The following TASOR variants were observed in gnomAD, a reference collection of about 807,000 sequenced individuals.
TASOR encodes transcription activation suppressor, also known as protein TASOR.
A neutral mutation model predicts 178.6 loss-of-function variants in TASOR; 53 were observed. The ratio of observed to expected loss-of-function variants is 0.30; its 90% confidence interval spans 0.24 to 0.37. The LOEUF (loss-of-function observed/expected upper bound fraction) is 0.37. TASOR is among the 10% of genes least tolerant of loss of function. The pLI, the probability that TASOR is intolerant of heterozygous loss-of-function variation, is 1.00. For missense variants in TASOR, 1,815 were observed against 1,971.4 expected (o/e 0.92, Z 1.50); for synonymous variants, 713 against 696.2 (o/e 1.02, Z -0.38).
chr3:56,647,369 T>C lies in TASOR; in HGVS notation c.1514-146A>G, dbSNP rs1385463270. The C allele has an allele frequency of 9.3e-6, 5 of 537,174 alleles. No individual in the cohort carries two copies. In the East Asian group the frequency reaches 9.5e-5, roughly 10 times the overall value. The allele number at this position is 537,174 out of a possible 1,614,324, so 33.3% of individuals were successfully genotyped here. A position where few individuals can be genotyped will look rare whatever the true frequency, so the allele number is the denominator to read the frequency against. On this transcript the variant is annotated intron_variant, in intron 13 of 23. Coordinates refer to ENST00000683822, the MANE Select transcript of TASOR (RefSeq NM_001365635.2). ...ACGAGTATGTACCCTAGTACATATA[T>C]ACAATATAGCAAATATATGAATAGC... is the stretch of plus-strand genomic sequence containing the variant.
chr3:56,655,391 T>A (rs1373795919), intron 11 of TASOR, among the ~76,000 whole-genome samples: 2 of 152,134 alleles, frequency 1.3e-5, no homozygotes, highest in Non-Finnish European at 2.9e-5. Flanking sequence ...AAACCCTATG[T>A]TTTTTCTTAT....
chr3:56,673,732 T>C lies in TASOR; in HGVS notation c.332-7A>G. On this transcript the variant is annotated splice_polypyrimidine_tract_variant and splice_region_variant and intron_variant, in intron 1 of 23. Coordinates refer to ENST00000683822, the MANE Select transcript of TASOR (RefSeq NM_001365635.2). The stretch of plus-strand genomic sequence containing the variant: ...GTTAATGGCTGGAAAAGTGCTAAAA[T>C]AAAAAAACAAACATTTAAAATGTTT... 1 of 1,537,212 alleles carries C rather than the reference T, an allele frequency of 6.5e-7. No individual in the cohort carries two copies. The highest frequency in any genetic ancestry group is 8.8e-7 in the Non-Finnish European group (1 of 1,142,614).
At chr3:56,664,563 C>A (rs977003080) in intron 7 of TASOR, among the ~76,000 whole-genome samples, 4 of 152,156 alleles carry the variant, frequency 2.6e-5, no homozygotes, top group Admixed American at 6.5e-5. Flanking sequence ...ATAATTTGAT[C>A]TGGAAAACTG....
At chr3:56,671,741 T>A (rs766958925) in intron 2 of TASOR, 49 bp from the exon 3 acceptor site, 75 of 1,377,904 alleles carry the variant, frequency 5.4e-5, no homozygotes, top group Admixed American at 1.4e-4. Flanking sequence ...GATTATGTTT[T>A]TCAAGCTACA....
At chr3:56,661,806 T>A (rs1417640605) in intron 9 of TASOR, among the ~76,000 whole-genome samples, 1 of 152,094 alleles carries the variant, frequency 6.6e-6, no homozygotes, top group East Asian at 1.9e-4. Context: ...AACTAAAAAA[T>A]TATATTTCAG....
chr3:56,663,303 A>C (rs1385958995), intron 8 of TASOR, among the ~76,000 whole-genome samples: 1 of 152,222 alleles, frequency 6.6e-6, no homozygotes, highest in Admixed American at 6.5e-5. Context: ...TGAGTTATGA[A>C]ACCTGTTTTA....
At chr3:56,669,494 G>A (rs566670216) in intron 5 of TASOR, among the ~76,000 whole-genome samples, 17 of 152,154 alleles carry the variant, frequency 1.1e-4, no homozygotes, top group South Asian at 4.1e-4. Flanking sequence ...GCAACAGAGC[G>A]AGACTCCATC....
intron 18 of TASOR, among the ~76,000 whole-genome samples, chr3:56,630,900 T>TA (rs1435796210): frequency 4.6e-5 from 5 of 108,512 alleles, no homozygotes; most frequent in East Asian, 3.3e-4. Context: ...CAAATCCTTT[T>TA]AAAAAAAGGA....
At chr3:56,627,828 C>G in intron 19 of TASOR, 87 bp from the exon 20 acceptor site, 1 of 1,198,260 alleles carries the variant, frequency 8.3e-7, no homozygotes, top group Non-Finnish European at 1.2e-6. Context: ...AGAAGTCTAA[C>G]AGAATGCATT....
intron 19 of TASOR, 101 bp downstream of exon 19, chr3:56,628,391 C>G (rs965981970): frequency 8.8e-7 from 1 of 1,136,728 alleles, no homozygotes; most frequent in African/African-American, 1.6e-5. Flanking sequence ...AGTTTAATCT[C>G]CTTTAAAGCT....
chr3:56,622,903 T>G lies in TASOR; in HGVS notation c.*134A>C. On this transcript the variant is annotated 3_prime_UTR_variant, in exon 24 of 24. Transcript: ENST00000683822. ...TATTTCAATTTTTAGATGCTTCAAC[T>G]GTTACAGGCCATCATGATTTAAATA... 4.1e-6 allele frequency: 2 copies of G among 493,308 alleles called. No homozygotes were observed. 30.6% of individuals were successfully genotyped at this position (493,308 alleles called of 1,614,324 possible).
rs998142282 is a variant in TASOR, at chr3:56,659,433, T to C, written c.1368+1298A>G. On this transcript the variant is annotated intron_variant, in intron 11 of 23. Coordinates refer to ENST00000683822, the MANE Select transcript of TASOR (RefSeq NM_001365635.2). ...CCACATATACTGGCATCACATTCAT[T>C]TTCCATTCACTTCTCAACCCACCAC... Among the ~76,000 whole-genome samples the C allele has an allele frequency of 9.2e-5, 14 of 152,312 alleles. No individual in the cohort carries two copies. In the East Asian group the frequency reaches 2.7e-3, roughly 29 times the overall value.
At chr3:56,642,636 A>T (rs1217936107) in intron 14 of TASOR, among the ~76,000 whole-genome samples, 1 of 152,216 alleles carries the variant, frequency 6.6e-6, no homozygotes, top group Non-Finnish European at 1.5e-5. Context: ...GCAGATCAGT[A>T]GTGGAGTGGG....
intron 1 of TASOR, among the ~76,000 whole-genome samples, chr3:56,676,349 GAAACAC>G: frequency 6.6e-6 from 1 of 152,096 alleles, no homozygotes; most frequent in Non-Finnish European, 1.5e-5. Context: ...AGTAATATAC[GAAACAC>G]AAATGAAAGC....
intron 1 of TASOR, among the ~76,000 whole-genome samples, chr3:56,678,648 C>CA (rs1312566526): frequency 6.6e-6 from 1 of 151,988 alleles, no homozygotes; most frequent in African/African-American, 2.4e-5. Context: ...ACATGTATCA[C>CA]AAAAAATATT....
At chr3:56,658,204 T>G (rs541842841) in intron 11 of TASOR, among the ~76,000 whole-genome samples, 8 of 152,362 alleles carry the variant, frequency 5.3e-5, no homozygotes, top group Admixed American at 2.6e-4. Flanking sequence ...CATTAGATTC[T>G]GGGAGTGTAT....
Position 56,623,296 on chromosome 3 carries a change from T to C in TASOR, c.4754A>G (p.Asn1585Ser), listed in dbSNP as rs765797018. 23 of 1,613,500 alleles carry C rather than the reference T, an allele frequency of 1.4e-5. No individual in the cohort carries two copies. The highest frequency in any genetic ancestry group is 6.6e-5 in the South Asian group (6 of 91,080). ...DIVCSEGENS[N>S]STEQDSYSNF... ...ACTATATGAATCTTGTTCTGTTGAA[T>C]TGCTGTTCTCTCCTTCAGAGCATAC... The change falls in exon 24 of 24, where the codon AAT (asparagine) becomes AGT (serine). Residue 1585 changes from asparagine to serine, a missense_variant. Transcript: ENST00000683822.
intron 7 of TASOR, among the ~76,000 whole-genome samples, chr3:56,665,787 C>G (rs2077697220): frequency 6.6e-6 from 1 of 151,994 alleles, no homozygotes; most frequent in Admixed American, 6.6e-5. Flanking sequence ...CTGGGTAACA[C>G]AGTGAAACCC....
intron 14 of TASOR, among the ~76,000 whole-genome samples, chr3:56,644,814 A>G (rs183427782): frequency 5.1e-4 from 78 of 152,360 alleles, no homozygotes; most frequent in African/African-American, 1.9e-3. Flanking sequence ...ACTGCAAAGA[A>G]AAGTAATGTC....
Sources: gnomAD v4.1 joint callset for allele counts (sites outside exome capture counted in the v4.1 genomes callset) on GRCh38, gnomAD v4.1.1 for gene constraint, MANE v1.5 for transcripts, NCBI Gene and HGNC (gene_info 2026-07-23, HGNC 2026-07-21) for gene names.